REEP1: variants seen among roughly 807,000 people sequenced by gnomAD.
REEP1 encodes the protein receptor accessory protein 1.
In REEP1, 22 loss-of-function variants were observed where a neutral mutation model predicts 40.3. That is an observed-to-expected ratio of 0.55 (90% CI 0.39 to 0.78). The LOEUF is 0.78. REEP1 is among the 30% of genes least tolerant of loss of function. The probability of loss-of-function intolerance (pLI) is 0.00; values close to 1 mark genes in which losing one functional copy is unlikely to be tolerated. For synonymous variants in REEP1, 116 were observed against 139.2 expected (o/e 0.83, Z 1.17); for missense variants, 280 against 361.1 (o/e 0.78, Z 1.82).
intron 3 of REEP1, among the ~76,000 whole-genome samples, chr2:86,255,771 C>A: frequency 6.6e-6 from 1 of 152,144 alleles, no homozygotes; most frequent in East Asian, 1.9e-4. Context: ...TGCTAGCCCA[C>A]GTGGTGCCTT....
chr2:86,252,070 C>T lies in REEP1; in HGVS notation c.304G>A (p.Glu102Lys). Reference protein sequence around the residue: ...VHPTLSSKEKEIDDCLVQAKD... With the variant: ...VHPTLSSKEKKIDDCLVQAKD... ...GCTTGGACCAGACAATCATCGATTT[C>T]CTGTCAAAGGAAAAACAGAGGCACA... Residue 102 changes from glutamate to lysine, a missense_variant and splice_region_variant, in exon 5 of 9, where the codon GAA (glutamate) becomes AAA (lysine). Physicochemically the swap from Glu to Lys is moderately conservative, Grantham distance 56 (BLOSUM62 1). Transcript: ENST00000538924. The T allele has an allele frequency of 1.9e-6, 3 of 1,608,518 alleles. No homozygotes were observed. The highest frequency in any genetic ancestry group is 2.6e-6 in the Non-Finnish European group (3 of 1,174,936).
Position 86,337,379 on chromosome 2 carries a change from G to T in REEP1, c.32+100C>A. 1.3e-6 allele frequency: 1 copy of T among 757,068 alleles called. No homozygotes were observed. Among genetic ancestry groups the T allele is most frequent in the Non-Finnish European group, 1.8e-6 (1 of 568,022 alleles). 46.9% of individuals were successfully genotyped at this position (757,068 alleles called of 1,614,324 possible). On this transcript the variant is annotated intron_variant, in intron 1 of 8. Transcript: ENST00000538924. This position sits in a 1 kb window ranked among gnomAD's most constrained non-coding sequence, Gnocchi z 5.8. ...AATTTAGCTGCGCCGGGTATTAATA[G>T]CCCGAGCCACTGGGACCGGGCGCTG... is the stretch of plus-strand genomic sequence containing the variant.
intron 1 of REEP1, among the ~76,000 whole-genome samples, chr2:86,319,311 C>T (rs966236631): frequency 6.6e-5 from 10 of 152,198 alleles, no homozygotes; most frequent in Non-Finnish European, 1.0e-4. Flanking sequence ...TTGAGTAAAA[C>T]TGACCCAGGG....
intron 6 of REEP1, among the ~76,000 whole-genome samples, chr2:86,231,233 G>GT (rs1178972598): frequency 1.4e-5 from 2 of 143,846 alleles, no homozygotes; most frequent in Non-Finnish European, 1.6e-5. Context: ...TTCCATTCCT[G>GT]GGGGGGGGTC....
chr2:86,240,399 C>T (rs774330883), intron 5 of REEP1, among the ~76,000 whole-genome samples: 12 of 152,228 alleles, frequency 7.9e-5, no homozygotes, highest in Non-Finnish European at 1.3e-4. Flanking sequence ...GCACCGTCAC[C>T]GTGGCTGAGC....
chr2:86,266,222 T>C (rs936750229), intron 2 of REEP1, among the ~76,000 whole-genome samples: 1 of 152,256 alleles, frequency 6.6e-6, no homozygotes, highest in African/African-American at 2.4e-5. Flanking sequence ...TAACTTCAAA[T>C]GGATCAGAGT....
At chr2:86,322,291 C>T (rs1249264861) in intron 1 of REEP1, among the ~76,000 whole-genome samples, 1 of 152,076 alleles carries the variant, frequency 6.6e-6, no homozygotes, top group African/African-American at 2.4e-5. Context: ...TGTTGGTAAC[C>T]CCAGCACTTT....
intron 1 of REEP1, among the ~76,000 whole-genome samples, chr2:86,317,729 T>C (rs1680082616): frequency 6.6e-6 from 1 of 152,236 alleles, no homozygotes; most frequent in African/African-American, 2.4e-5. Flanking sequence ...TTTCATTAAA[T>C]CCAGACCCTT....
At chr2:86,264,593 C>A (rs976265647) in intron 2 of REEP1, among the ~76,000 whole-genome samples, 23 of 152,174 alleles carry the variant, frequency 1.5e-4, no homozygotes, top group African/African-American at 5.6e-4. Context: ...TACCAAGCCA[C>A]CCCTGTACTA....
chr2:86,239,775 C>T (rs1675572020), intron 5 of REEP1: 1 of 152,182 alleles, frequency 6.6e-6, no homozygotes, highest in Non-Finnish European at 1.5e-5. Flanking sequence ...AAAGAAAAAA[C>T]CCAAGTAAGT....
chr2:86,279,140 G>A lies in REEP1; in HGVS notation c.105+3030C>T, dbSNP rs558457927. On this transcript the variant is annotated intron_variant, in intron 2 of 8. Transcript: ENST00000538924. Reference sequence around the variant, plus strand: ...TGTCAAAAACTCCTTCATGATAACCGTTTCTGTGCCTTCCACAGAAAGACA... The same window carrying A: ...TGTCAAAAACTCCTTCATGATAACCATTTCTGTGCCTTCCACAGAAAGACA... Among the ~76,000 whole-genome samples, 21 of 152,240 alleles carry A rather than the reference G, an allele frequency of 1.4e-4. No individual in the cohort carries two copies. In the South Asian group the frequency reaches 3.7e-3, roughly 27 times the overall value.
intron 5 of REEP1, among the ~76,000 whole-genome samples, chr2:86,236,185 C>G (rs1675312181): frequency 6.6e-6 from 1 of 151,180 alleles, no homozygotes; most frequent in Non-Finnish European, 1.5e-5. Context: ...CATTGCACTC[C>G]AGCCTGGGCA....
At chr2:86,220,207 GCA>G in intron 7 of REEP1, 86 bp from the exon 8 acceptor site, 1 of 929,652 alleles carries the variant, frequency 1.1e-6, no homozygotes, top group Non-Finnish European at 1.4e-6. Flanking sequence ...GCAAGGTTAG[GCA>G]CACAGCACAG....
At chr2:86,293,962 C>T (rs1003540365) in intron 1 of REEP1, among the ~76,000 whole-genome samples, 1 of 152,148 alleles carries the variant, frequency 6.6e-6, no homozygotes, top group Non-Finnish European at 1.5e-5. Context: ...GAAGAAAACG[C>T]TGACACTTGC....
intron 5 of REEP1, 33 bp from the exon 6 acceptor site, chr2:86,232,835 G>A (rs570140092): frequency 7.5e-6 from 12 of 1,591,236 alleles, no homozygotes; most frequent in East Asian, 4.5e-5. Flanking sequence ...ACACGTCAGA[G>A]GTCCTGCTCC....
intron 2 of REEP1, among the ~76,000 whole-genome samples, chr2:86,267,001 T>C (rs1677180035): frequency 7.2e-6 from 1 of 138,628 alleles, no homozygotes; most frequent in Non-Finnish European, 1.6e-5. Flanking sequence ...AGCAAGACTC[T>C]GTCTCAGGGG....
intron 1 of REEP1, among the ~76,000 whole-genome samples, chr2:86,334,169 C>T (rs1425913319): frequency 6.6e-6 from 1 of 152,214 alleles, no homozygotes; most frequent in East Asian, 1.9e-4. Flanking sequence ...TTGCTTTCTT[C>T]AAAATGCTCA....
chr2:86,288,032 A>ATTTTTTTTTTTATTTTTTTTT (rs1558916457), intron 1 of REEP1, among the ~76,000 whole-genome samples: 4 of 149,754 alleles, frequency 2.7e-5, no homozygotes, highest in African/African-American at 1.0e-4. Context: ...TATTTTTATT[A>ATTTTTTTTTTTATTTTTTTTT]TTTTTTTGAG....
intron 3 of REEP1, among the ~76,000 whole-genome samples, chr2:86,261,773 T>A (rs1168788189): frequency 1.3e-5 from 2 of 152,186 alleles, no homozygotes; most frequent in African/African-American, 4.8e-5. Flanking sequence ...CTTTTGCAGT[T>A]GAGACAAGAG....
Sources: gnomAD v4.1 joint callset for allele counts (sites outside exome capture counted in the v4.1 genomes callset) on GRCh38, gnomAD v4.1.1 for gene constraint, Gnocchi (gnomAD v3.1) non-coding constraint, MANE v1.5 for transcripts, NCBI Gene and HGNC (gene_info 2026-07-23, HGNC 2026-07-21) for gene names.